MYO1F: variants seen among roughly 807,000 people sequenced by gnomAD.
MYO1F encodes unconventional myosin-If.
Under a neutral mutation model 146.6 loss-of-function variants are expected in MYO1F, and 60 were observed. The observed-to-expected ratio is 0.41, with a 90% CI of 0.33 to 0.51. The LOEUF is 0.51. MYO1F is among the 20% of genes least tolerant of loss of function. The pLI is 0.25. For missense variants in MYO1F, 1,274 were observed against 1,534.3 expected (o/e 0.83, Z 2.83); for synonymous variants, 602 against 602.1 (o/e 1.00, Z 0.00).
At chr19:8,561,459 CCTCT>C (rs1280749693) in intron 1 of MYO1F, among the ~76,000 whole-genome samples, 59 of 122,256 alleles carry the variant, frequency 4.8e-4, no homozygotes, top group African/African-American at 1.6e-3. Flanking sequence ...TCCCTCTCTC[CCTCT>C]CTCTCTCTTT....
chr19:8,551,398 C>T (rs1973604961), intron 8 of MYO1F: 1 of 310,882 alleles, frequency 3.2e-6, no homozygotes, highest in African/African-American at 2.6e-5. Flanking sequence ...GTTGCCCAGG[C>T]TGGAGTGCAG....
intron 24 of MYO1F, among the ~76,000 whole-genome samples, 167 bp from the exon 25 acceptor site, chr19:8,525,729 GC>G (rs936955871): frequency 6.6e-6 from 1 of 151,952 alleles, no homozygotes; most frequent in Non-Finnish European, 1.5e-5. Context: ...AATTGGCCTC[GC>G]CCCCCAAGGG....
At position 8,525,556 on chromosome 19, in the gene MYO1F, G is replaced by A. The variant is rs771044972; in HGVS notation, c.2777C>T (p.Thr926Met). 1.9e-6 allele frequency: 3 copies of A among 1,613,164 alleles called. No individual in the cohort carries two copies. The South Asian group carries it at 3.3e-5, about 18-fold the overall frequency. ...TTTTCCCTTGGCCATTCCCTTCCGC[G>A]TAGGCTCTGAAAGAAGAGTGTCAGG... ...GDGLPKSSKPTRKGMAKGKPR... is the reference protein window; with the variant it reads ...GDGLPKSSKPMRKGMAKGKPR... The change falls in exon 25 of 28, where the codon ACG (threonine) becomes ATG (methionine). Residue 926 changes from threonine (T) to methionine (M), a missense_variant. Thr to Met is a moderately conservative substitution (Grantham distance 81). Around this residue, in one of 2 missense-constraint regions of MYO1F, gnomAD observed 374 missense variants for 379.2 expected, o/e 0.99. Transcript: ENST00000644032.
At position 8,577,369 on chromosome 19, in the gene MYO1F, G is replaced by C. The variant is rs782566603; in HGVS notation, c.-60C>G. 1.7e-5 allele frequency: 28 copies of C among 1,603,758 alleles called. No individual in the cohort carries two copies. In the East Asian group the frequency reaches 5.1e-4, roughly 29 times the overall value. On this transcript the variant is annotated 5_prime_UTR_variant, in exon 1 of 28. Coordinates refer to ENST00000644032, the MANE Select transcript of MYO1F (RefSeq NM_012335.4). This position sits in a 1 kb window ranked among gnomAD's most constrained non-coding sequence, Gnocchi z 4.3. Reference sequence around the variant, plus strand: ...CTGAATGGGTCGTGATGGAGGTGCAGGTTCAGGGGGATCTTGGGGGTGGCT... The same window carrying C: ...CTGAATGGGTCGTGATGGAGGTGCACGTTCAGGGGGATCTTGGGGGTGGCT...
At chr19:8,541,059 C>T (rs983037276) in intron 15 of MYO1F, among the ~76,000 whole-genome samples, 3 of 151,076 alleles carry the variant, frequency 2.0e-5, no homozygotes, top group Non-Finnish European at 4.4e-5. Flanking sequence ...TCACGGCTCA[C>T]TGTAGCCTCC....
At position 8,551,853 on chromosome 19, in the gene MYO1F, C is replaced by G. The variant is rs1360998178; in HGVS notation, c.658G>C (p.Glu220Gln). Residue 220 changes from glutamate (E) to glutamine (Q), a missense_variant, in exon 8 of 28, where the codon GAG (glutamate) becomes CAG (glutamine). Glu to Gln is a conservative substitution (Grantham distance 29). Coordinates refer to ENST00000644032, the MANE Select transcript of MYO1F (RefSeq NM_012335.4). ...ATGAGGCCCAGGTTCTGCCTTTGCT[C>G]CTGGGAGGCCCCTTCCAGCAGCTGG... ...YYQLLEGASQ[E>Q]QRQNLGLMTP... is the part of the protein sequence containing the mutation. 2 of 1,614,110 alleles carry G rather than the reference C, an allele frequency of 1.2e-6. No individual in the cohort carries two copies. The highest frequency in any genetic ancestry group is 1.7e-5 in the Admixed American group (1 of 60,000).
In MYO1F at chr19:8,552,172, C is replaced by A. The variant is rs1451616874; in HGVS notation, c.505-8G>T. On this transcript the variant is annotated splice_polypyrimidine_tract_variant and splice_region_variant and intron_variant, in intron 6 of 27. Transcript: ENST00000644032. ...GATCTCAAAGTACTTGCCCTGAATC[C>A]GAGAGAACCATGTCAGCACCCCAGT... The A allele has an allele frequency of 6.2e-7, 1 of 1,613,884 alleles. No homozygotes were observed. The highest frequency in any genetic ancestry group is 1.3e-5 in the African/African-American group (1 of 74,876).
chr19:8,551,197 G>A (rs1353173209), intron 8 of MYO1F, among the ~76,000 whole-genome samples: 1 of 150,342 alleles, frequency 6.7e-6, no homozygotes, highest in Admixed American at 6.7e-5. Context: ...GACTACAGGC[G>A]CATGGCATCA....
Position 8,577,398 on chromosome 19 carries a change from G to A in MYO1F, c.-89C>T, listed in dbSNP as rs895196288. ...CAGGGGGATCTTGGGGGTGGCTTGG[G>A]CATGGCCCTGCTTCTGCCCGTTCAC... On this transcript the variant is annotated 5_prime_UTR_variant, in exon 1 of 28. Coordinates refer to ENST00000644032, the MANE Select transcript of MYO1F (RefSeq NM_012335.4). The surrounding 1 kb of genome is among the most constrained non-coding windows in gnomAD (Gnocchi z 4.3). 1 of 1,440,106 alleles carries A rather than the reference G, an allele frequency of 6.9e-7. No homozygotes were observed. Among genetic ancestry groups the A allele is most frequent in the African/African-American group, 1.4e-5 (1 of 71,536 alleles). The allele number at this position is 1,440,106 out of a possible 1,614,324, so 89.2% of individuals were successfully genotyped here.
At chr19:8,537,603 G>A (rs936260056) in intron 16 of MYO1F, among the ~76,000 whole-genome samples, 36 of 152,026 alleles carry the variant, frequency 2.4e-4, no homozygotes, top group Admixed American at 2.0e-3. Context: ...CACCACACCC[G>A]GATAATTTTT....
At chr19:8,539,371 G>T (rs950352241) in intron 16 of MYO1F, among the ~76,000 whole-genome samples, 1 of 151,786 alleles carries the variant, frequency 6.6e-6, no homozygotes, top group Non-Finnish European at 1.5e-5. Context: ...CCGAGATCAC[G>T]CCATTGCACT....
At chr19:8,557,054 G>C (rs535139064) in intron 1 of MYO1F, among the ~76,000 whole-genome samples, 2 of 152,228 alleles carry the variant, frequency 1.3e-5, no homozygotes, top group African/African-American at 4.8e-5. Flanking sequence ...GGGAGGCCGA[G>C]GCGGGAGGAC....
chr19:8,529,779 G>A, intron 21 of MYO1F: 2 of 344,670 alleles, frequency 5.8e-6, no homozygotes, highest in Non-Finnish European at 5.6e-6. Flanking sequence ...TTGATGGACA[G>A]CTGTGTCTGC....
chr19:8,523,404 A>AC (rs1972144021), intron 25 of MYO1F, among the ~76,000 whole-genome samples: 1 of 151,958 alleles, frequency 6.6e-6, no homozygotes, highest in South Asian at 2.1e-4. Context: ...GTGCAGTGGT[A>AC]CAATCGTAGC....
At chr19:8,532,901 A>ATACACACACACACACACACAC (rs1555720422) in intron 19 of MYO1F, among the ~76,000 whole-genome samples, 1 of 47,842 alleles carries the variant, frequency 2.1e-5, no homozygotes, top group African/African-American at 1.1e-4. Flanking sequence ...AAAAAAAAAA[A>ATACACACACACACACACACAC]ATACACACAC....
chr19:8,553,586 C>G (rs1973705838), intron 4 of MYO1F, 149 bp from the exon 5 acceptor site: 1 of 700,580 alleles, frequency 1.4e-6, no homozygotes, highest in African/African-American at 1.8e-5. Context: ...AAAATCTCTG[C>G]TCTCAGCCGG....
At chr19:8,544,213 TG>T in intron 14 of MYO1F, 83 bp downstream of exon 14, 1 of 1,410,276 alleles carries the variant, frequency 7.1e-7, no homozygotes, top group Non-Finnish European at 9.8e-7. Context: ...CTTTCCAGCC[TG>T]GGTGCTGGAG....
chr19:8,542,250 T>G (rs1599950059), intron 14 of MYO1F, among the ~76,000 whole-genome samples: 1 of 132,116 alleles, frequency 7.6e-6, no homozygotes, highest in African/African-American at 2.9e-5. Flanking sequence ...TAAGGGGAGG[T>G]GGGGGTTACA....
chr19:8,554,555 G>T lies in MYO1F; in HGVS notation c.248C>A (p.Pro83His), dbSNP rs199721373. 104 of 1,613,640 alleles carry T rather than the reference G, an allele frequency of 6.4e-5. No homozygotes were observed. Among genetic ancestry groups the T allele is most frequent in the Non-Finnish European group, 8.1e-5 (96 of 1,179,650 alleles). ...LYQGAAQYEN[P>H]PHIYALTDNM... is the part of the protein sequence containing the mutation. ...GTCCGTGAGGGCGTAGATGTGCGGG[G>T]GATTCTCATACTGGGCCTGGCAGGG... The change falls in exon 4 of 28, where the codon CCC (proline) becomes CAC (histidine). Residue 83 changes from proline (P) to histidine (H), a missense_variant. Pro to His is a moderately conservative substitution (Grantham distance 77). This residue lies in a region of MYO1F where 900 missense variants were observed against 1,155.1 expected (regional missense o/e 0.78). Transcript: ENST00000644032.
Sources: gnomAD v4.1 joint callset for allele counts (sites outside exome capture counted in the v4.1 genomes callset) on GRCh38, gnomAD v4.1.1 for gene constraint, gnomAD v4.1.1 regional missense constraint, Gnocchi (gnomAD v3.1) non-coding constraint, MANE v1.5 for transcripts, NCBI Gene and HGNC (gene_info 2026-07-23, HGNC 2026-07-21) for gene names.